Variants in RSAD2 observed in about 807,000 individuals in gnomAD.
RSAD2 encodes the protein S-adenosylmethionine-dependent nucleotide dehydratase RSAD2.
In RSAD2, 38 loss-of-function variants were observed where a neutral mutation model predicts 37.7. That is an observed-to-expected ratio of 1.01 (90% CI 0.78 to 1.32). The LOEUF (loss-of-function observed/expected upper bound fraction) is 1.32, where lower values mean the gene tolerates loss of function less well. RSAD2 is among the 40% of genes most tolerant of loss of function. RSAD2 has a pLI of 0.00. For synonymous variants in RSAD2, 163 were observed against 157.4 expected, an observed-to-expected ratio of 1.04 and a Z score of -0.27; for missense variants, 428 against 437.5, an observed-to-expected ratio of 0.98 and a Z score of 0.19.
chr2:6,887,126 AC>A lies in RSAD2; in HGVS notation c.701del (p.Thr234ArgfsTer7), dbSNP rs750647060. 1.1e-5 allele frequency: 17 copies of A among 1,614,100 alleles called. No homozygotes were observed. The highest frequency in any genetic ancestry group is 1.3e-5 in the Non-Finnish European group (15 of 1,179,924). Reference protein sequence around the residue: ...INRFNVEEDMTEQIKALNPVR... With the variant: ...INRFNVEEDMXEQIKALNPVR... ...TCGTTTCAACGTGGAAGAGGACATG[AC>A]GGAACAGATCAAAGCACTAAACCCT... On this transcript the variant is annotated frameshift_variant, in exon 3 of 6. Transcript: ENST00000382040. LOFTEE classifies it high-confidence loss of function.
rs1053560051 is a variant in RSAD2, at chr2:6,897,145, A to C, written c.*1203A>C. On this transcript the variant is annotated 3_prime_UTR_variant, in exon 6 of 6. Transcript: ENST00000382040. ...AGCTCAGAGAAAGCAAGCATAAGGGAAAATGTCACGTAAACTAGATCAGGG... is the reference window on the plus strand; with the variant it reads ...AGCTCAGAGAAAGCAAGCATAAGGGCAAATGTCACGTAAACTAGATCAGGG... The C allele has an allele frequency of 2.0e-5, 3 of 152,172 alleles. No individual in the cohort carries two copies. Among genetic ancestry groups the C allele is most frequent in the Admixed American group, 6.5e-5 (1 of 15,274 alleles). The allele number at this position is 152,172 out of a possible 1,614,324, so 9.4% of individuals were successfully genotyped here. A position where few individuals can be genotyped will look rare whatever the true frequency, so the allele number is the denominator to read the frequency against.
upstream of RSAD2, chr2:6,876,753 C>A (rs914940498): frequency 6.6e-6 from 1 of 152,168 alleles, no homozygotes; most frequent in South Asian, 2.1e-4. Flanking sequence ...CTAACCCTAA[C>A]TGAACACTTA....
intron 3 of RSAD2, among the ~76,000 whole-genome samples, chr2:6,887,444 C>T (rs1474689633): frequency 6.6e-6 from 1 of 152,154 alleles, no homozygotes; most frequent in Non-Finnish European, 1.5e-5. Flanking sequence ...AAAAAATATG[C>T]TCAGTGCTTT....
chr2:6,882,730 G>A (rs1026063119), intron 1 of RSAD2, among the ~76,000 whole-genome samples: 23 of 152,306 alleles, frequency 1.5e-4, no homozygotes, highest in African/African-American at 5.3e-4. Context: ...TAGGAAGAAA[G>A]GTTCTGGAGA....
upstream of RSAD2, among the ~76,000 whole-genome samples, chr2:6,877,457 C>T (rs558381698): frequency 7.2e-5 from 11 of 152,274 alleles, no homozygotes; most frequent in South Asian, 6.2e-4. Context: ...ATTAATGCAC[C>T]TTGTCTATCT....
intron 1 of RSAD2, among the ~76,000 whole-genome samples, chr2:6,867,508 C>G (rs1663122891): frequency 6.6e-6 from 1 of 152,192 alleles, no homozygotes. Context: ...GAAATACAGT[C>G]ATACTGTGAG....
intron 2 of RSAD2, among the ~76,000 whole-genome samples, chr2:6,884,028 T>C (rs1663467502): frequency 6.6e-6 from 1 of 152,220 alleles, no homozygotes; most frequent in Admixed American, 6.5e-5. Context: ...AGTTCAGTTT[T>C]CTGCAGGTGT....
At chr2:6,876,930 C>T (rs556437662), upstream of RSAD2, 1 of 152,310 alleles carries the variant, frequency 6.6e-6, no homozygotes, top group East Asian at 1.9e-4. Flanking sequence ...GGAAGTTCAG[C>T]TACTAGGACT....
intron 1 of RSAD2, chr2:6,866,141 G>T (rs935588185): frequency 4.7e-6 from 1 of 213,916 alleles, no homozygotes; most frequent in Non-Finnish European, 9.7e-6. Flanking sequence ...GGGGGGCGGG[G>T]GTGCACGCGC....
Position 6,883,440 on chromosome 2 carries a change from TG to T in RSAD2, c.418del (p.Val140Ter). On this transcript the variant is annotated frameshift_variant, in exon 2 of 6. Transcript: ENST00000382040. LOFTEE classifies it high-confidence loss of function. ...GACCGGGGAGAATACCTGGGCAAGT[TG>T]GTGAGGTTCTGCAAAGTAGAGTTGC... The part of the protein sequence containing the change: ...LQDRGEYLGK[L>X]VRFCKVELRL... The T allele has an allele frequency of 6.2e-7, 1 of 1,614,124 alleles. No homozygotes were observed. Among genetic ancestry groups the T allele is most frequent in the Non-Finnish European group, 8.5e-7 (1 of 1,180,022 alleles).
intron 1 of RSAD2, chr2:6,866,268 T>G: frequency 4.2e-6 from 1 of 240,730 alleles, no homozygotes; most frequent in Non-Finnish European, 6.9e-6. Flanking sequence ...CTCCCCGACC[T>G]CAACTCCTAG....
At chr2:6,892,935 C>A (rs1663661574) in intron 4 of RSAD2, among the ~76,000 whole-genome samples, 1 of 152,190 alleles carries the variant, frequency 6.6e-6, no homozygotes, top group African/African-American at 2.4e-5. Context: ...TATATAAAAG[C>A]TGGTTTTCTG....
exon 1 of RSAD2, chr2:6,865,906 G>C: frequency 1.4e-6 from 2 of 1,413,924 alleles, no homozygotes; most frequent in Non-Finnish European, 1.8e-6. Context: ...GCCGCGAGAT[G>C]TGCGCGATAA....
At position 6,898,237 on chromosome 2, in the gene RSAD2, A is replaced by T. The variant is rs1663821113; in HGVS notation, c.*2295A>T. 2 of 152,212 alleles carry T rather than the reference A, an allele frequency of 1.3e-5. No individual in the cohort carries two copies. The highest frequency in any genetic ancestry group is 4.8e-5 in the African/African-American group (2 of 41,460). 9.4% of individuals were successfully genotyped at this position (152,212 alleles called of 1,614,324 possible). On this transcript the variant is annotated 3_prime_UTR_variant, in exon 6 of 6. Coordinates refer to ENST00000382040, the MANE Select transcript of RSAD2 (RefSeq NM_080657.5). ...AATAAAACTATAAGCTATGTTAAATACATTTTCAGCTGTTTTATCCACCAT... is the reference window on the plus strand; with the variant it reads ...AATAAAACTATAAGCTATGTTAAATTCATTTTCAGCTGTTTTATCCACCAT...
At chr2:6,894,402 A>T (rs957496060) in intron 5 of RSAD2, among the ~76,000 whole-genome samples, 1 of 152,142 alleles carries the variant, frequency 6.6e-6, no homozygotes, top group African/African-American at 2.4e-5. Flanking sequence ...CTTGAATTCC[A>T]TATTTAAATT....
At chr2:6,876,723 C>T (rs1288376343), upstream of RSAD2, 1 of 152,104 alleles carries the variant, frequency 6.6e-6, no homozygotes, top group Non-Finnish European at 1.5e-5. Flanking sequence ...CAGAATATGA[C>T]AGTATCAGAA....
intron 4 of RSAD2, among the ~76,000 whole-genome samples, chr2:6,890,634 T>C (rs1310283404): frequency 6.6e-6 from 1 of 152,164 alleles, no homozygotes; most frequent in Non-Finnish European, 1.5e-5. Flanking sequence ...AAGTATAATG[T>C]CCCTATGTGT....
At position 6,882,775 on chromosome 2, in the gene RSAD2, C is replaced by T. The variant is rs114489679; in HGVS notation, c.347-596C>T. On this transcript the variant is annotated intron_variant, in intron 1 of 5. Coordinates refer to ENST00000382040, the MANE Select transcript of RSAD2 (RefSeq NM_080657.5). ...CCATGCACTTACAAAGGAGTACAAA[C>T]GAGGGTGTTATCAGGCCTCTGAACA... 9.1e-3 allele frequency among the ~76,000 whole-genome samples: 1,381 copies of T among 152,216 alleles called. 9 individuals are homozygous for T. Among genetic ancestry groups the T allele is most frequent in the African/African-American group, 0.032 (1,323 of 41,522 alleles).
At position 6,896,266 on chromosome 2, in the gene RSAD2, CT is replaced by C. The variant is rs1246146227; in HGVS notation, c.*325del. 1 of 208,112 alleles carries C rather than the reference CT, an allele frequency of 4.8e-6. No individual in the cohort carries two copies. The highest frequency in any genetic ancestry group is 9.6e-6 in the Non-Finnish European group (1 of 103,726). 12.9% of individuals were successfully genotyped at this position (208,112 alleles called of 1,614,324 possible). A position where few individuals can be genotyped will look rare whatever the true frequency, so the allele number is the denominator to read the frequency against. ...CCCCAAAAATGCTTAGATAAGGCCC[CT>C]ATACACAGGACCTGACATTTAGCTC... is the stretch of plus-strand genomic sequence containing the variant. On this transcript the variant is annotated 3_prime_UTR_variant, in exon 6 of 6. Transcript: ENST00000382040.
Sources: allele counts gnomAD v4.1 joint callset (sites outside exome capture counted in the v4.1 genomes callset), GRCh38; gene constraint gnomAD v4.1.1; transcripts MANE v1.5; gene names NCBI Gene and HGNC (gene_info 2026-07-23, HGNC 2026-07-21).